PITPNM3: variants seen among roughly 807,000 people sequenced by gnomAD.
PITPNM3 encodes the protein membrane-associated phosphatidylinositol transfer protein 3.
Under a neutral mutation model 102.0 loss-of-function variants are expected in PITPNM3, and 26 were observed. The observed-to-expected ratio is 0.25, with a 90% CI of 0.19 to 0.35. The LOEUF (loss-of-function observed/expected upper bound fraction) is 0.35. Ranked by LOEUF, PITPNM3 falls within the 10% of genes least tolerant of loss-of-function variation. PITPNM3 has a pLI of 1.00. For missense variants in PITPNM3, 1,083 were observed against 1,346.1 expected (o/e 0.80, Z 3.06); for synonymous variants, 578 against 558.6 (o/e 1.03, Z -0.49).
intron 1 of PITPNM3, 124 bp from the exon 2 acceptor site, chr17:6,538,206 G>C (rs536182805): frequency 1.4e-6 from 1 of 733,616 alleles, no homozygotes; most frequent in African/African-American, 1.7e-5. Flanking sequence ...CTCTCCCTCC[G>C]AGGCCTCAGA....
At position 6,509,114 on chromosome 17, in the gene PITPNM3, C is replaced by T. The variant is rs558526388; in HGVS notation, c.227-5540G>A. On this transcript the variant is annotated intron_variant, in intron 3 of 19. Transcript: ENST00000262483. ...TGGGAAGGCAGAGTTTTGTCATGCA[C>T]CCCAGGCTCTGGGCCCCACCAATCT... 1.8e-4 allele frequency among the ~76,000 whole-genome samples: 28 copies of T among 152,254 alleles called. No homozygotes were observed. The South Asian group carries it at 3.1e-3, about 17-fold the overall frequency.
intron 6 of PITPNM3, chr17:6,479,421 C>T (rs55857461): frequency 0.19 from 28,242 of 152,614 alleles, 2,720 homozygotes; most frequent in Non-Finnish European, 0.19. Flanking sequence ...GAAATCCCCT[C>T]CTCTCTGGGC....
At position 6,478,794 on chromosome 17, in the gene PITPNM3, G is replaced by A; in HGVS notation, c.588-58C>T. On this transcript the variant is annotated intron_variant, in intron 6 of 19. Coordinates refer to ENST00000262483, the MANE Select transcript of PITPNM3 (RefSeq NM_031220.4). This position sits in a 1 kb window ranked among gnomAD's most constrained non-coding sequence, Gnocchi z 4.4. The stretch of plus-strand genomic sequence containing the variant: ...AGGATCGGGCAGGTTGGCAGGTTTG[G>A]GGCTGAGGATCAGGCAGAAGAGAGC... The A allele has an allele frequency of 6.7e-7, 1 of 1,495,264 alleles. No homozygotes were observed. Among genetic ancestry groups the A allele is most frequent in the East Asian group, 2.5e-5 (1 of 40,598 alleles). 92.6% of individuals were successfully genotyped at this position (1,495,264 alleles called of 1,614,324 possible).
chr17:6,457,452 C>T lies in PITPNM3; in HGVS notation c.2619+142G>A. The T allele has an allele frequency of 7.2e-7, 1 of 1,385,618 alleles. No individual in the cohort carries two copies. Among genetic ancestry groups the T allele is most frequent in the Non-Finnish European group, 9.8e-7 (1 of 1,020,054 alleles). 85.8% of individuals were successfully genotyped at this position (1,385,618 alleles called of 1,614,324 possible). A position where few individuals can be genotyped will look rare whatever the true frequency, so the allele number is the denominator to read the frequency against. ...CACAGGCCCTGGCCCAAGGCAGGCA[C>T]CCCGAAGTGTTTGTTGAATAAATGA... is the stretch of plus-strand genomic sequence containing the variant. On this transcript the variant is annotated intron_variant, in intron 19 of 19. Coordinates refer to ENST00000262483, the MANE Select transcript of PITPNM3 (RefSeq NM_031220.4). This position sits in a 1 kb window ranked among gnomAD's most constrained non-coding sequence, Gnocchi z 4.7.
At chr17:6,473,521 T>C (rs1034702096) in intron 10 of PITPNM3, among the ~76,000 whole-genome samples, 1 of 152,154 alleles carries the variant, frequency 6.6e-6, no homozygotes, top group African/African-American at 2.4e-5. Context: ...TCAGTAAGCT[T>C]TGGCCAAAAG....
At chr17:6,547,264 C>T (rs993665943) in intron 1 of PITPNM3, among the ~76,000 whole-genome samples, 2 of 152,142 alleles carry the variant, frequency 1.3e-5, no homozygotes, top group Non-Finnish European at 2.9e-5. Flanking sequence ...GGAAAATGTG[C>T]TTTTTGAAGA....
In PITPNM3 at chr17:6,458,952, G is replaced by A. The variant is rs554741886; in HGVS notation, c.2491-1230C>T. On this transcript the variant is annotated intron_variant, in intron 18 of 19. Coordinates refer to ENST00000262483, the MANE Select transcript of PITPNM3 (RefSeq NM_031220.4). This position sits in a 1 kb window ranked among gnomAD's most constrained non-coding sequence, Gnocchi z 5.1. ...CTGAGCCCTACCCCATCCTGCAGGT[G>A]ACTGCCTTCGATGCTGGACCAAGGA... Among the ~76,000 whole-genome samples the A allele has an allele frequency of 6.6e-6, 1 of 152,040 alleles. No homozygotes were observed. The highest frequency in any genetic ancestry group is 1.9e-4 in the East Asian group (1 of 5,156).
chr17:6,541,088 G>T (rs1420426087), intron 1 of PITPNM3, among the ~76,000 whole-genome samples: 1 of 152,192 alleles, frequency 6.6e-6, no homozygotes, highest in African/African-American at 2.4e-5. Flanking sequence ...AAACAGATAT[G>T]TTAAGATGGA....
intron 1 of PITPNM3, among the ~76,000 whole-genome samples, chr17:6,550,207 C>T (rs1004411499): frequency 2.0e-5 from 3 of 152,224 alleles, no homozygotes; most frequent in Non-Finnish European, 2.9e-5. Flanking sequence ...AATATTGACT[C>T]CAACAGTAGA....
rs895669131 is a variant in PITPNM3 at position 6,471,243 on chromosome 17, T to C, written c.1542A>G (p.Pro514=). ...AGCTCCCCTCGCTCATCCTCCGTCC[T>C]GGGCGCTGGAACCTCGAGGCCTGAG... ...SPPQASRFQR[P]GRRMSEGSSH... is the part of the protein sequence containing the mutation. Residue 514 remains proline (P), a synonymous_variant, in exon 12 of 20, where the codon CCA becomes CCG. Transcript: ENST00000262483. 2.5e-6 allele frequency: 4 copies of C among 1,613,430 alleles called. No homozygotes were observed. The highest frequency in any genetic ancestry group is 3.4e-6 in the Non-Finnish European group (4 of 1,179,946).
At chr17:6,502,310 G>A (rs1203417673) in intron 4 of PITPNM3, among the ~76,000 whole-genome samples, 3 of 152,164 alleles carry the variant, frequency 2.0e-5, no homozygotes, top group Non-Finnish European at 4.4e-5. Context: ...AAAATTACCC[G>A]GGCATGGTGG....
intron 3 of PITPNM3, among the ~76,000 whole-genome samples, chr17:6,505,596 C>T (rs1240106534): frequency 6.6e-6 from 1 of 152,216 alleles, no homozygotes; most frequent in African/African-American, 2.4e-5. Flanking sequence ...ATACACAGGT[C>T]AGGGAGCGAA....
chr17:6,525,602 C>G, intron 2 of PITPNM3, 139 bp from the exon 3 acceptor site: 1 of 719,690 alleles, frequency 1.4e-6, no homozygotes, highest in Non-Finnish European at 2.5e-6. Context: ...TTGAAGGTGT[C>G]TGTAGCTAGA....
chr17:6,486,980 G>A (rs1385337174), intron 4 of PITPNM3, among the ~76,000 whole-genome samples: 2 of 152,146 alleles, frequency 1.3e-5, no homozygotes, highest in African/African-American at 2.4e-5. Flanking sequence ...CAGGTCTGCC[G>A]CTGCCAGGCC....
Position 6,525,339 on chromosome 17 carries a change from G to C in PITPNM3, c.226+17C>G, listed in dbSNP as rs1471550628. ...ACCTATGTGCACATCCTGGTCATGA[G>C]AGAAGCAGAGTCTCACCTTGATGCT... is the stretch of plus-strand genomic sequence containing the variant. On this transcript the variant is annotated intron_variant, in intron 3 of 19. Coordinates refer to ENST00000262483, the MANE Select transcript of PITPNM3 (RefSeq NM_031220.4). The C allele has an allele frequency of 1.2e-6, 2 of 1,610,268 alleles. No homozygotes were observed. The highest frequency in any genetic ancestry group is 2.7e-5 in the African/African-American group (2 of 74,956).
In PITPNM3 at chr17:6,556,174, C is replaced by T. The variant is rs1910596121; in HGVS notation, c.22+211G>A. ...GGCCGTGGAGAAGGGGACGCGGTGT[C>T]CCCCGAGGTGACCGGGGGCGCAGGA... On this transcript the variant is annotated intron_variant, in intron 1 of 19. Transcript: ENST00000262483. The surrounding 1 kb of genome is among the most constrained non-coding windows in gnomAD (Gnocchi z 5.2). Among the ~76,000 whole-genome samples, 1 of 151,870 alleles carries T rather than the reference C, an allele frequency of 6.6e-6. No homozygotes were observed. Among genetic ancestry groups the T allele is most frequent in the Non-Finnish European group, 1.5e-5 (1 of 67,858 alleles).
intron 1 of PITPNM3, among the ~76,000 whole-genome samples, chr17:6,538,338 T>A (rs1262455242): frequency 1.3e-5 from 2 of 151,196 alleles, no homozygotes; most frequent in Non-Finnish European, 2.9e-5. Flanking sequence ...CTGGTGGTAG[T>A]TATGAGCCTT....
chr17:6,482,332 C>T (rs1905787082), intron 6 of PITPNM3, among the ~76,000 whole-genome samples: 1 of 152,076 alleles, frequency 6.6e-6, no homozygotes, highest in Admixed American at 6.6e-5. Flanking sequence ...CCAATGACAC[C>T]TCCATTAAAG....
At chr17:6,486,394 G>A (rs1433946289) in intron 4 of PITPNM3, among the ~76,000 whole-genome samples, 1 of 152,272 alleles carries the variant, frequency 6.6e-6, no homozygotes, top group East Asian at 1.9e-4. Context: ...GGGCTTTGCG[G>A]GCAACCCTAG....
Sources: allele counts gnomAD v4.1 joint callset (sites outside exome capture counted in the v4.1 genomes callset), GRCh38; gene constraint gnomAD v4.1.1; non-coding constraint Gnocchi (gnomAD v3.1); transcripts MANE v1.5; gene names NCBI Gene and HGNC (gene_info 2026-07-23, HGNC 2026-07-21).